Variants in RP1L1 observed in about 807,000 individuals in gnomAD.
RP1L1 encodes the protein retinitis pigmentosa 1-like 1 protein.
In RP1L1, 27 loss-of-function variants were observed where a neutral mutation model predicts 15.7. That is an observed-to-expected ratio of 1.72 (90% CI 1.27 to 2.38). The LOEUF is 2.38. RP1L1 is among the 30% of genes most tolerant of loss of function. The pLI is 0.00. For synonymous variants in RP1L1, 1,813 were observed against 1,276.7 expected, an observed-to-expected ratio of 1.42 and a Z score of -8.96; for missense variants, 4,798 against 3,075.9, an observed-to-expected ratio of 1.56 and a Z score of -13.24.
At chr8:10,617,055 T>C (rs1262192494) in intron 2 of RP1L1, among the ~76,000 whole-genome samples, 1 of 152,130 alleles carries the variant, frequency 6.6e-6, no homozygotes, top group East Asian at 1.9e-4. Context: ...TCTGAGTCTG[T>C]TGCCTCTGCC....
At chr8:10,631,052 G>A (rs1038487306) in intron 1 of RP1L1, among the ~76,000 whole-genome samples, 3 of 152,144 alleles carry the variant, frequency 2.0e-5, no homozygotes, top group Admixed American at 2.0e-4. Flanking sequence ...TTGTGGGGAG[G>A]AGGTTTGTTT....
chr8:10,623,148 C>A lies in RP1L1; in HGVS notation c.54G>T (p.Leu18=). 1 of 1,601,608 alleles carries A rather than the reference C, an allele frequency of 6.2e-7. No homozygotes were observed. Among genetic ancestry groups the A allele is most frequent in the South Asian group, 1.1e-5 (1 of 88,854 alleles). The stretch of plus-strand genomic sequence containing the variant: ...CCGAGGGGGTGCGAGCCACAGAGGG[C>A]AGGAAGCACTCACGGTGGCTCGGGG... ...AQAPSHRECF[L]PSVARTPSVT... Residue 18 remains leucine (L), a synonymous_variant, in exon 2 of 4, where the codon CTG becomes CTT. Transcript: ENST00000382483.
In RP1L1 at chr8:10,608,334, C is replaced by G; in HGVS notation, c.5764G>C (p.Val1922Leu). 2 of 1,612,778 alleles carry G rather than the reference C, an allele frequency of 1.2e-6. No homozygotes were observed. Among genetic ancestry groups the G allele is most frequent in the African/African-American group, 1.3e-5 (1 of 74,492 alleles). The change falls in exon 4 of 4, where the codon GTA becomes CTA. Residue 1922 changes from valine to leucine, a missense_variant. Transcript: ENST00000382483. ...TCCCCTTCAGTCTCCAGGGCCTCTA[C>G]ACTTTCTGTCTCTGGCTGGGCCTCC... ...EKEAQPETES[V>L]EALETEGEDE...
Position 10,609,183 on chromosome 8 carries a change from G to C in RP1L1, c.4915C>G (p.Leu1639Val). 2 of 1,611,842 alleles carry C rather than the reference G, an allele frequency of 1.2e-6. No individual in the cohort carries two copies. Among genetic ancestry groups the C allele is most frequent in the Non-Finnish European group, 1.7e-6 (2 of 1,179,530 alleles). Residue 1639 changes from leucine to valine, a missense_variant, in exon 4 of 4, where the codon CTC (leucine) becomes GTC (valine). Physicochemically the swap from Leu to Val is conservative, Grantham distance 32. Transcript: ENST00000382483. ...AGCTGGCTCCCCAGGGCTGTGCTGA[G>C]GGCTGGCTCGTCCTCCAGGGTGAAG... ...LSFTLEDEPA[L>V]STALGSQLGE...
chr8:10,619,356 A>G (rs555909119), intron 2 of RP1L1, among the ~76,000 whole-genome samples: 1 of 152,392 alleles, frequency 6.6e-6, no homozygotes, highest in South Asian at 2.1e-4. Flanking sequence ...TCAAAGATGC[A>G]GAGAGGCATG....
chr8:10,623,067 C>G lies in RP1L1; in HGVS notation c.135G>C (p.Arg45=). The change falls in exon 2 of 4, where the codon CGG becomes CGC. Residue 45 remains arginine, a synonymous_variant. Transcript: ENST00000382483. ...GAACGGCCAGGCGGACCCCAGCAAA[C>G]CGTGGATCCCCTCGCTTGAGGAAGG... ...KITFLKRGDP[R]FAGVRLAVHQ... 1 of 1,614,112 alleles carries G rather than the reference C, an allele frequency of 6.2e-7. No individual in the cohort carries two copies. Among genetic ancestry groups the G allele is most frequent in the Non-Finnish European group, 8.5e-7 (1 of 1,180,026 alleles).
Position 10,612,756 on chromosome 8 carries a change from A to G in RP1L1, c.1342T>C (p.Cys448Arg), listed in dbSNP as rs375006748. The G allele has an allele frequency of 1.2e-6, 2 of 1,608,428 alleles. No homozygotes were observed. The highest frequency in any genetic ancestry group is 2.7e-5 in the African/African-American group (2 of 74,890). Residue 448 changes from cysteine to arginine, a missense_variant, in exon 4 of 4, where the codon TGC (cysteine) becomes CGC (arginine). Cys to Arg is a radical substitution (Grantham distance 180). Coordinates refer to ENST00000382483, the MANE Select transcript of RP1L1 (RefSeq NM_178857.6). The stretch of plus-strand genomic sequence containing the variant: ...GCTGGGCTGGCACTGTCCTGGCTGC[A>G]TCTCTCCCTCCCGGCAGTCCCGTGG... ...WGHGTAGRER[C>R]SQDSASPASS...
In RP1L1 at chr8:10,611,946, T is replaced by A. The variant is rs1286692980; in HGVS notation, c.2152A>T (p.Asn718Tyr). 2 of 1,613,820 alleles carry A rather than the reference T, an allele frequency of 1.2e-6. No homozygotes were observed. Among genetic ancestry groups the A allele is most frequent in the African/African-American group, 1.3e-5 (1 of 75,058 alleles). Residue 718 changes from asparagine to tyrosine, a missense_variant, in exon 4 of 4, where the codon AAC becomes TAC. By Grantham distance (143) the Asn-to-Tyr change is moderately radical. Transcript: ENST00000382483. ...SSSTRTQASG[N>Y]LRPPSSGSLP... The stretch of plus-strand genomic sequence containing the variant: ...GAGCCCGAGGAGGGAGGTCTCAGGT[T>A]CCCAGAGGCCTGTGTCCTGGTGCTC...
At position 10,608,007 on chromosome 8, in the gene RP1L1, C is replaced by T. The variant is rs1235044813; in HGVS notation, c.6091G>A (p.Gly2031Ser). The change falls in exon 4 of 4, where the codon GGT (glycine) becomes AGT (serine). Residue 2031 changes from glycine to serine, a missense_variant. Coordinates refer to ENST00000382483, the MANE Select transcript of RP1L1 (RefSeq NM_178857.6). ...CCTTCAACCTCCTGGGCCTCTTCAC[C>T]TTCTGACTTTGGCTGGGCCTCTACA... ...DGVEAQPKSE[G>S]EEAQEVEGET... 2 of 1,613,032 alleles carry T rather than the reference C, an allele frequency of 1.2e-6. No homozygotes were observed. The highest frequency in any genetic ancestry group is 1.1e-5 in the South Asian group (1 of 91,030).
At chr8:10,616,100 T>A (rs1797960151) in intron 3 of RP1L1, among the ~76,000 whole-genome samples, 1 of 151,990 alleles carries the variant, frequency 6.6e-6, no homozygotes, top group Non-Finnish European at 1.5e-5. Context: ...TTAGAGACAG[T>A]GTCTCATTAT....
At chr8:10,626,477 G>A (rs1798159415) in intron 1 of RP1L1, among the ~76,000 whole-genome samples, 1 of 152,212 alleles carries the variant, frequency 6.6e-6, no homozygotes, top group Non-Finnish European at 1.5e-5. Context: ...GCATGCAGCA[G>A]GGAGCTGGGT....
In RP1L1 at chr8:10,608,169, C is replaced by G. The variant is rs534151176; in HGVS notation, c.5929G>C (p.Val1977Leu). The change falls in exon 4 of 4, where the codon GTA (valine) becomes CTA (leucine). Residue 1977 changes from valine to leucine, a missense_variant. Coordinates refer to ENST00000382483, the MANE Select transcript of RP1L1 (RefSeq NM_178857.6). ...EEEAQPESED[V>L]EALEVEVETQ... ...TCCACTTCAACCTCCAGGGCCTCTA[C>G]ATCTTCTGACTCTGGCTGGGCTTCC... The G allele has an allele frequency of 6.2e-7, 1 of 1,612,618 alleles. No individual in the cohort carries two copies. The highest frequency in any genetic ancestry group is 8.5e-7 in the Non-Finnish European group (1 of 1,179,680).
rs761976090 is a variant in RP1L1 at position 10,611,489 on chromosome 8, C to T, written c.2609G>A (p.Cys870Tyr). Residue 870 changes from cysteine to tyrosine, a missense_variant, in exon 4 of 4, where the codon TGT (cysteine) becomes TAT (tyrosine). Coordinates refer to ENST00000382483, the MANE Select transcript of RP1L1 (RefSeq NM_178857.6). ...RPCPQRRSSS[C>Y]GSTGSSHQST... ...TTGGTGGCTGCTGCCGGTGCTCCCACAGCTGGAAGAGCGCCTCTGGGGGCA... is the reference window on the plus strand; with the variant it reads ...TTGGTGGCTGCTGCCGGTGCTCCCATAGCTGGAAGAGCGCCTCTGGGGGCA... 3 of 1,573,104 alleles carry T rather than the reference C, an allele frequency of 1.9e-6. No homozygotes were observed. Among genetic ancestry groups the T allele is most frequent in the South Asian group, 2.3e-5 (2 of 87,282 alleles).
intron 1 of RP1L1, among the ~76,000 whole-genome samples, chr8:10,634,686 G>C (rs142511017): frequency 8.9e-4 from 135 of 152,310 alleles, no homozygotes; most frequent in African/African-American, 3.2e-3. Context: ...CCAGGAATGA[G>C]TCCACAGGCC....
chr8:10,612,912 C>G lies in RP1L1; in HGVS notation c.1186G>C (p.Gly396Arg). The G allele has an allele frequency of 6.2e-7, 1 of 1,612,832 alleles. No individual in the cohort carries two copies. The change falls in exon 4 of 4, where the codon GGC becomes CGC. Residue 396 changes from glycine to arginine, a missense_variant. Physicochemically the swap from Gly to Arg is moderately radical, Grantham distance 125 (BLOSUM62 -2). Coordinates refer to ENST00000382483, the MANE Select transcript of RP1L1 (RefSeq NM_178857.6). The part of the protein sequence containing the change: ...PCRVGCREVF[G>R]RGGQPGPKYE... ...TTGGGCCCTGGCTGCCCGCCTCGGCCAAAGACTTCCCTGCATCCCACCCTG... is the reference window on the plus strand; with the variant it reads ...TTGGGCCCTGGCTGCCCGCCTCGGCGAAAGACTTCCCTGCATCCCACCCTG...
At chr8:10,647,537 G>A (rs62492306) in intron 1 of RP1L1, among the ~76,000 whole-genome samples, 6,527 of 152,116 alleles carry the variant, frequency 0.043, 245 homozygotes, top group Non-Finnish European at 0.055. Context: ...TTTGCTTTCC[G>A]TCTCTATAAA....
intron 1 of RP1L1, among the ~76,000 whole-genome samples, chr8:10,639,868 G>C: frequency 6.6e-6 from 1 of 152,150 alleles, no homozygotes; most frequent in East Asian, 1.9e-4. Flanking sequence ...CAGAAGAAAG[G>C]ACAAAGTTCC....
Position 10,608,019 on chromosome 8 carries a change from G to A in RP1L1, c.6079C>T (p.Pro2027Ser), listed in dbSNP as rs1481847615. 6.3e-7 allele frequency: 1 copy of A among 1,596,990 alleles called. No homozygotes were observed. The highest frequency in any genetic ancestry group is 1.7e-5 in the Admixed American group (1 of 58,264). ...QPESDGVEAQ[P>S]KSEGEEAQEV... ...TGGGCCTCTTCACCTTCTGACTTTG[G>A]CTGGGCCTCTACACCGTCTGACTCT... The change falls in exon 4 of 4, where the codon CCA (proline) becomes TCA (serine). Residue 2027 changes from proline to serine, a missense_variant. Transcript: ENST00000382483.
rs750623624 is a variant in RP1L1 at position 10,612,301 on chromosome 8, C to T, written c.1797G>A (p.Glu599=). The stretch of plus-strand genomic sequence containing the variant: ...TTGTCACAGCCGCTCCCGTGGCCTG[C>T]TCGGTGCCCTGTCCTTGCGTCTCTG... ...LQAETQGQGT[E]QATGAAVTRE... The change falls in exon 4 of 4, where the codon GAG becomes GAA. Residue 599 remains glutamate, a synonymous_variant. Transcript: ENST00000382483. 1.2e-6 allele frequency: 2 copies of T among 1,613,252 alleles called. No individual in the cohort carries two copies. The highest frequency in any genetic ancestry group is 1.1e-5 in the South Asian group (1 of 91,090).
Sources: allele counts gnomAD v4.1 joint callset (sites outside exome capture counted in the v4.1 genomes callset), GRCh38; gene constraint gnomAD v4.1.1; transcripts MANE v1.5; gene names NCBI Gene and HGNC (gene_info 2026-07-23, HGNC 2026-07-21).